Variants in LHFPL1 observed in about 807,000 individuals in gnomAD.
The protein encoded by LHFPL1 is LHFPL tetraspan subfamily member 1 protein.
A neutral mutation model predicts 12.1 loss-of-function variants in LHFPL1; 4 were observed. That is an observed-to-expected ratio of 0.33 (90% CI 0.16 to 0.76). LHFPL1 has a LOEUF of 0.76. Ranked by LOEUF, LHFPL1 falls within the 30% of genes least tolerant of loss-of-function variation. The pLI is 0.61. For synonymous variants in LHFPL1, 52 were observed against 61.9 expected, an observed-to-expected ratio of 0.84 and a Z score of 0.75; for missense variants, 141 against 174.1, an observed-to-expected ratio of 0.81 and a Z score of 1.07.
intron 3 of LHFPL1, among the ~76,000 whole-genome samples, chrX:112,637,277 C>T (rs1203010011): frequency 1.8e-5 from 2 of 112,133 alleles, no homozygotes; most frequent in African/African-American, 6.5e-5. Flanking sequence ...TGATTCAGCA[C>T]GATGTTATGT....
intron 2 of LHFPL1, among the ~76,000 whole-genome samples, chrX:112,666,371 T>C (rs1931333927): frequency 9.0e-6 from 1 of 110,988 alleles, no homozygotes; most frequent in Non-Finnish European, 1.9e-5. Context: ...TCATATCTGC[T>C]AAAGATGTCA....
At chrX:112,647,655 T>C in intron 3 of LHFPL1, among the ~76,000 whole-genome samples, 1 of 111,907 alleles carries the variant, frequency 8.9e-6, no homozygotes, top group Non-Finnish European at 1.9e-5. Context: ...ATGGTGATCA[T>C]TAAAAAGTCA....
chrX:112,639,709 A>G (rs910613528), intron 3 of LHFPL1, among the ~76,000 whole-genome samples: 1 of 112,102 alleles, frequency 8.9e-6, no homozygotes, highest in African/African-American at 3.2e-5. Flanking sequence ...ATCACTTTTC[A>G]TATAGCTATC....
At chrX:112,647,273 T>C (rs1442558632) in intron 3 of LHFPL1, among the ~76,000 whole-genome samples, 1 of 111,791 alleles carries the variant, frequency 8.9e-6, no homozygotes, top group Non-Finnish European at 1.9e-5. Context: ...GGGCAAGGAC[T>C]TCATGACTAA....
chrX:112,631,882 C>A (rs1930201230), intron 3 of LHFPL1, among the ~76,000 whole-genome samples: 1 of 111,547 alleles, frequency 9.0e-6, no homozygotes, highest in African/African-American at 3.3e-5. Context: ...ATGCTAATGA[C>A]AATGATGACA....
At chrX:112,638,723 AAAACAAGTTCAGGAAATAAT>A (rs1020828119) in intron 3 of LHFPL1, among the ~76,000 whole-genome samples, 12 of 111,699 alleles carry the variant, frequency 1.1e-4, no homozygotes, top group South Asian at 7.7e-4. Context: ...TGAAAATAAT[AAAACAAGTTCAGGAAATAAT>A]AAACAAGTTC....
chrX:112,641,906 A>G (rs1391722363), intron 3 of LHFPL1, among the ~76,000 whole-genome samples: 1 of 111,831 alleles, frequency 8.9e-6, no homozygotes, highest in East Asian at 2.8e-4. Context: ...AGGAATCCAC[A>G]TTTTTTGGAA....
At chrX:112,663,212 A>G (rs1931239988) in intron 2 of LHFPL1, among the ~76,000 whole-genome samples, 2 of 111,925 alleles carry the variant, frequency 1.8e-5, no homozygotes, top group African/African-American at 6.5e-5. Flanking sequence ...TTCTGTTCCC[A>G]TAGCACCCAG....
intron 3 of LHFPL1, among the ~76,000 whole-genome samples, chrX:112,638,695 G>C: frequency 9.0e-6 from 1 of 111,596 alleles, no homozygotes; most frequent in Non-Finnish European, 1.9e-5. Flanking sequence ...TCTTCCTATT[G>C]AGGGTATTAT....
chrX:112,672,192 T>C (rs1000502736), intron 1 of LHFPL1, among the ~76,000 whole-genome samples: 16 of 112,080 alleles, frequency 1.4e-4, no homozygotes, highest in Non-Finnish European at 2.8e-4. Flanking sequence ...AAGAAAAGCT[T>C]CCTTGTCCTT....
intron 3 of LHFPL1, among the ~76,000 whole-genome samples, chrX:112,633,562 A>T (rs930183624): frequency 8.9e-6 from 1 of 112,007 alleles, no homozygotes; most frequent in African/African-American, 3.2e-5. Flanking sequence ...TTCCCTCATC[A>T]GAGGCTCTCA....
chrX:112,674,382 G>A (rs1329093132), intron 1 of LHFPL1, among the ~76,000 whole-genome samples: 1 of 111,237 alleles, frequency 9.0e-6, no homozygotes, highest in African/African-American at 3.3e-5. Context: ...ATTGGCTTAG[G>A]CAAGGATTTC....
At chrX:112,667,712 A>C (rs1421608461) in intron 2 of LHFPL1, among the ~76,000 whole-genome samples, 2 of 111,814 alleles carry the variant, frequency 1.8e-5, no homozygotes, top group Non-Finnish European at 3.8e-5. Flanking sequence ...GTGTTGACAT[A>C]ATCTCCTGGC....
intron 3 of LHFPL1, among the ~76,000 whole-genome samples, chrX:112,658,224 A>G (rs1931068625): frequency 9.1e-6 from 1 of 110,235 alleles, no homozygotes. Flanking sequence ...CAGGAGTTCA[A>G]GAATGCCTGG....
intron 3 of LHFPL1, among the ~76,000 whole-genome samples, chrX:112,637,920 G>A (rs994769113): frequency 1.8e-5 from 2 of 111,871 alleles, no homozygotes; most frequent in African/African-American, 3.3e-5. Context: ...CTAGGACCCC[G>A]GATTATGGTA....
intron 3 of LHFPL1, among the ~76,000 whole-genome samples, chrX:112,659,992 G>T (rs1313792527): frequency 8.9e-6 from 1 of 112,074 alleles, no homozygotes; most frequent in Non-Finnish European, 1.9e-5. Context: ...AGGAAACCTA[G>T]ACATTCCCTC....
At position 112,660,679 on chromosome X, in the gene LHFPL1, A is replaced by C; in HGVS notation, c.429T>G (p.Asn143Lys). Residue 143 changes from asparagine to lysine, a missense_variant, in exon 3 of 4, where the codon AAT becomes AAG. Coordinates refer to ENST00000371968, the MANE Select transcript of LHFPL1 (RefSeq NM_178175.4). ...CACATGTTTGCATTATCTCCGGGCT[A>C]TTCCATCCTAAAGGGTATAAGGCAC... ...SGCALYPLGWNSPEIMQTCGN... is the reference protein window; with the variant it reads ...SGCALYPLGWKSPEIMQTCGN... The C allele has an allele frequency of 1.7e-6, 2 of 1,210,728 alleles. No individual in the cohort carries two copies. Among genetic ancestry groups the C allele is most frequent in the Non-Finnish European group, 2.2e-6 (2 of 894,506 alleles).
intron 3 of LHFPL1, among the ~76,000 whole-genome samples, chrX:112,649,283 A>G (rs1460357798): frequency 8.9e-6 from 1 of 111,758 alleles, no homozygotes; most frequent in Non-Finnish European, 1.9e-5. Flanking sequence ...TTTTTATTGC[A>G]TGTTTGTTTA....
chrX:112,655,027 T>G (rs964462996), intron 3 of LHFPL1, among the ~76,000 whole-genome samples: 6 of 111,816 alleles, frequency 5.4e-5, no homozygotes, highest in African/African-American at 2.0e-4. Flanking sequence ...AACTTTTCTG[T>G]CTTTAAGTAA....
Sources: allele counts gnomAD v4.1 joint callset (sites outside exome capture counted in the v4.1 genomes callset), GRCh38; gene constraint gnomAD v4.1.1; transcripts MANE v1.5; gene names NCBI Gene and HGNC (gene_info 2026-07-23, HGNC 2026-07-21).